Variants in PVT1 observed in about 807,000 individuals in gnomAD.
PVT1 encodes Pvt1 oncogene.
At chr8:127,922,341 G>T (rs1486264594) in intron 3 of PVT1, among the ~76,000 whole-genome samples, 1 of 144,930 alleles carries the variant, frequency 6.9e-6, no homozygotes, top group Non-Finnish European at 1.5e-5. Flanking sequence ...CAGCCAAATG[G>T]GTAGAGCTAG....
chr8:127,939,236 GTGGCCCTT>G (rs1816315187), intron 3 of PVT1, among the ~76,000 whole-genome samples: 1 of 152,174 alleles, frequency 6.6e-6, no homozygotes, highest in Admixed American at 6.5e-5. Flanking sequence ...AGGTGGGGCT[GTGGCCCTT>G]TCCCAACCAG....
At chr8:127,849,706 C>T (rs1815083104) in intron 2 of PVT1, among the ~76,000 whole-genome samples, 1 of 133,620 alleles carries the variant, frequency 7.5e-6, no homozygotes, top group Non-Finnish European at 1.6e-5. Flanking sequence ...TGTGTGTGTG[C>T]CCCTGCGTGC....
intron 2 of PVT1, among the ~76,000 whole-genome samples, chr8:127,813,813 G>A (rs999254148): frequency 6.6e-6 from 1 of 152,154 alleles, no homozygotes; most frequent in Non-Finnish European, 1.5e-5. Flanking sequence ...ACATGGAAAC[G>A]AGAGGCAGAC....
At chr8:127,825,347 A>G (rs1814775926) in intron 2 of PVT1, among the ~76,000 whole-genome samples, 1 of 152,192 alleles carries the variant, frequency 6.6e-6, no homozygotes, top group African/African-American at 2.4e-5. Context: ...TACAGTCACA[A>G]AATTACACCA....
intron 2 of PVT1, among the ~76,000 whole-genome samples, chr8:127,847,557 G>A (rs1815049845): frequency 6.6e-6 from 1 of 152,200 alleles, no homozygotes; most frequent in Admixed American, 6.5e-5. Flanking sequence ...TTTTATAAAA[G>A]CAAAAGACTG....
intron 2 of PVT1, among the ~76,000 whole-genome samples, chr8:127,845,344 C>T (rs1018842055): frequency 3.9e-5 from 6 of 152,080 alleles, no homozygotes; most frequent in Non-Finnish European, 8.8e-5. Flanking sequence ...AGTGTTTTCT[C>T]AAGTCCCTAT....
intron 5 of PVT1, among the ~76,000 whole-genome samples, chr8:128,085,408 T>C (rs1270960395): frequency 6.6e-6 from 1 of 152,224 alleles, no homozygotes; most frequent in Non-Finnish European, 1.5e-5. Context: ...CACTAAGTTT[T>C]GCAGTAAATA....
chr8:128,034,619 A>G (rs1421357958), intron 4 of PVT1, among the ~76,000 whole-genome samples: 1 of 152,194 alleles, frequency 6.6e-6, no homozygotes, highest in Non-Finnish European at 1.5e-5. Flanking sequence ...TGCAAAATGG[A>G]CAAATGTAGG....
rs552806250 is a variant in PVT1, at chr8:128,027,898, T to C, written n.912+38607T>C. Among the ~76,000 whole-genome samples, 179 of 152,302 alleles carry C rather than the reference T, an allele frequency of 1.2e-3. 1 individual carries two copies. The highest frequency in any genetic ancestry group is 4.3e-3 in the African/African-American group (178 of 41,572). On this transcript the variant is annotated intron_variant and non_coding_transcript_variant, in intron 4 of 10. Coordinates refer to ENST00000651587, the Ensembl canonical transcript of PVT1. Reference sequence around the variant, plus strand: ...GGCCATCTCCTGCCAAGGCACAGCCTTCCCTGAGCCTGTTTCCCTTGTATG... The same window carrying C: ...GGCCATCTCCTGCCAAGGCACAGCCCTCCCTGAGCCTGTTTCCCTTGTATG...
At chr8:127,950,141 C>T (rs1316366821) in intron 3 of PVT1, among the ~76,000 whole-genome samples, 1 of 150,720 alleles carries the variant, frequency 6.6e-6, no homozygotes, top group African/African-American at 2.5e-5. Flanking sequence ...TAATAAACTT[C>T]CGGGGCACAT....
intron 5 of PVT1, among the ~76,000 whole-genome samples, chr8:128,074,416 A>G (rs1049654329): frequency 2.6e-5 from 4 of 151,730 alleles, no homozygotes; most frequent in East Asian, 3.9e-4. Context: ...CCAGCTACTC[A>G]GGAGGCTGAG....
intron 3 of PVT1, among the ~76,000 whole-genome samples, chr8:127,938,522 A>G (rs966558772): frequency 7.2e-5 from 11 of 152,368 alleles, no homozygotes; most frequent in Non-Finnish European, 1.5e-4. Context: ...TGTGGCTTCA[A>G]AAATATATGT....
intron 4 of PVT1, among the ~76,000 whole-genome samples, chr8:128,001,672 GCTGT>G (rs1196463978): frequency 6.6e-6 from 1 of 152,180 alleles, no homozygotes. Flanking sequence ...CATGTGGGCT[GCTGT>G]AACAAAATCC....
At chr8:127,937,369 C>T (rs1163379504) in intron 3 of PVT1, among the ~76,000 whole-genome samples, 2 of 151,702 alleles carry the variant, frequency 1.3e-5, no homozygotes, top group African/African-American at 4.9e-5. Context: ...TGCCTCTAGC[C>T]TCCTGAGTAG....
At chr8:127,965,417 G>T (rs552152686) in intron 3 of PVT1, among the ~76,000 whole-genome samples, 1 of 152,146 alleles carries the variant, frequency 6.6e-6, no homozygotes, top group South Asian at 2.1e-4. Context: ...TTTACCATGG[G>T]GCTGGACAGT....
At chr8:127,953,420 G>T (rs1248872737) in intron 3 of PVT1, among the ~76,000 whole-genome samples, 1 of 152,120 alleles carries the variant, frequency 6.6e-6, no homozygotes, top group Non-Finnish European at 1.5e-5. Flanking sequence ...CAAAAATCAG[G>T]CTCTTTGGAA....
chr8:127,826,994 CTTTTTTTT>C (rs5894901), intron 2 of PVT1, among the ~76,000 whole-genome samples: 1 of 113,958 alleles, frequency 8.8e-6, no homozygotes, highest in Non-Finnish European at 1.7e-5. Context: ...TTCTTTTTCT[CTTTTTTTT>C]TTTTTTTTTT....
At chr8:127,803,151 C>T (rs13251769) in intron 2 of PVT1, 25,816 of 119,814 alleles carry the variant, frequency 0.22, 2,544 homozygotes, top group South Asian at 0.33. Flanking sequence ...TTTTTTAAGA[C>T]GGAGTCTCCT....
At chr8:127,923,414 C>T (rs1435125858) in intron 3 of PVT1, among the ~76,000 whole-genome samples, 4 of 152,132 alleles carry the variant, frequency 2.6e-5, no homozygotes, top group African/African-American at 4.8e-5. Flanking sequence ...TTTGATGAAG[C>T]GTTCAGGTTG....
Sources: allele counts gnomAD v4.1 joint callset (sites outside exome capture counted in the v4.1 genomes callset), GRCh38; gene constraint gnomAD v4.1.1; transcripts MANE v1.5; gene names NCBI Gene and HGNC (gene_info 2026-07-23, HGNC 2026-07-21).